Variants in HLA-DRB1 observed in about 807,000 individuals in gnomAD.
HLA-DRB1 encodes major histocompatibility complex, class II, DR beta 1.
Under a neutral mutation model 27.9 loss-of-function variants are expected in HLA-DRB1, and 10 were observed. That is an observed-to-expected ratio of 0.36 (90% CI 0.22 to 0.61). The LOEUF is 0.61. Ranked by LOEUF, HLA-DRB1 falls within the 20% of genes least tolerant of loss-of-function variation. HLA-DRB1 has a pLI of 0.73. For synonymous variants in HLA-DRB1, 57 were observed against 126.7 expected (o/e 0.45, Z 3.69); for missense variants, 118 against 306.3 (o/e 0.39, Z 4.59).
intron 2 of HLA-DRB1, 56 bp from the exon 3 acceptor site, chr6:32,581,894 G>GT: frequency 1.1e-6 from 1 of 876,300 alleles, no homozygotes; most frequent in Non-Finnish European, 1.8e-6. Context: ...AAGTCTCCTG[G>GT]TTTGGCTGTG....
intron 1 of HLA-DRB1, among the ~76,000 whole-genome samples, 193 bp from the exon 2 acceptor site, chr6:32,584,571 TGCGGGAA>T (rs1776107037): frequency 7.8e-6 from 1 of 127,536 alleles, no homozygotes; most frequent in Admixed American, 8.1e-5. Context: ...TGGGGGACCA[TGCGGGAA>T]AACCCCTTCT....
At chr6:32,579,528 G>T (rs1392173264) in intron 5 of HLA-DRB1, among the ~76,000 whole-genome samples, 1 of 63,630 alleles carries the variant, frequency 1.6e-5, no homozygotes, top group Admixed American at 1.9e-4. Context: ...CCACAGCAGG[G>T]AAGAGGACCT....
At chr6:32,584,684 G>T (rs36177427) in intron 1 of HLA-DRB1, among the ~76,000 whole-genome samples, 1,451 of 120,902 alleles carry the variant, frequency 0.012, 59 homozygotes, top group South Asian at 0.039. Flanking sequence ...ACCGCAGCCC[G>T]CGCCGCCTCC....
chr6:32,581,735 G>A (rs745655219), exon 3 of HLA-DRB1: 17 of 1,472,750 alleles, frequency 1.2e-5, no homozygotes, highest in Non-Finnish European at 1.6e-5. Context: ...GGAACCACCT[G>A]ACTTCAATGC....
At chr6:32,586,825 AC>A in intron 1 of HLA-DRB1, among the ~76,000 whole-genome samples, 1 of 92,068 alleles carries the variant, frequency 1.1e-5, no homozygotes, top group Non-Finnish European at 2.3e-5. Context: ...CAACACTACC[AC>A]CCATTTATTT....
At position 32,582,363 on chromosome 6, in the gene HLA-DRB1, C is replaced by T. The variant is rs201754731; in HGVS notation, c.371-525G>A. Reference sequence around the variant, plus strand: ...TCAGAAAGCTTCTCACTCCATTCCACTGTGAGGGCACTCATCACACTTGAG... The same window carrying T: ...TCAGAAAGCTTCTCACTCCATTCCATTGTGAGGGCACTCATCACACTTGAG... On this transcript the variant is annotated intron_variant, in intron 2 of 5. Coordinates refer to ENST00000360004, the Ensembl canonical transcript of HLA-DRB1. 2.6e-4 allele frequency among the ~76,000 whole-genome samples: 32 copies of T among 122,846 alleles called. 1 individual carries two copies. The highest frequency in any genetic ancestry group is 7.2e-4 in the East Asian group (3 of 4,174). 80.6% of individuals were successfully genotyped at this position (122,846 alleles called of 152,430 possible). A position where few individuals can be genotyped will look rare whatever the true frequency, so the allele number is the denominator to read the frequency against.
chr6:32,580,437 GAA>G (rs1775261484), intron 4 of HLA-DRB1, among the ~76,000 whole-genome samples, 167 bp from the exon 5 acceptor site: 1 of 126,026 alleles, frequency 7.9e-6, no homozygotes, highest in African/African-American at 2.8e-5. Flanking sequence ...CATGAAGCCT[GAA>G]GTGTCTGTCA....
chr6:32,581,807 C>G (rs200078051), exon 3 of HLA-DRB1: 1 of 1,165,118 alleles, frequency 8.6e-7, no homozygotes, highest in African/African-American at 1.7e-5. Context: ...GGGGCTGGGT[C>G]TTTGAAGGAT....
Position 32,579,375 on chromosome 6 carries a change from T to A in HLA-DRB1, c.788-271A>T, listed in dbSNP as rs9269703. ...CCTCTACCATCATTCTGGTGTGTCC[T>A]GAGTTTGTTCCTTCCGGTGGGTTTG... is the stretch of plus-strand genomic sequence containing the variant. On this transcript the variant is annotated intron_variant, in intron 5 of 5. Coordinates refer to ENST00000360004, the Ensembl canonical transcript of HLA-DRB1. Among the ~76,000 whole-genome samples the A allele has an allele frequency of 6.6e-3, 432 of 65,418 alleles. 14 individuals carry two copies. Among genetic ancestry groups the A allele is most frequent in the Non-Finnish European group, 7.4e-3 (233 of 31,484 alleles). The allele number at this position is 65,418 out of a possible 152,430, so 42.9% of individuals were successfully genotyped here.
At chr6:32,582,851 T>A (rs1775759540) in intron 2 of HLA-DRB1, among the ~76,000 whole-genome samples, 1 of 55,722 alleles carries the variant, frequency 1.8e-5, no homozygotes, top group Non-Finnish European at 3.6e-5. Flanking sequence ...ACTAGCATAC[T>A]CTCAATAAAT....
chr6:32,585,093 CAGA>C (rs144153626), intron 1 of HLA-DRB1, among the ~76,000 whole-genome samples: 3 of 107,620 alleles, frequency 2.8e-5, no homozygotes, highest in Admixed American at 1.0e-4. Context: ...AGTCAAACCT[CAGA>C]AGAAGGAGTG....
exon 2 of HLA-DRB1, chr6:32,584,265 C>G: frequency 6.6e-7 from 1 of 1,505,918 alleles, no homozygotes. Context: ...TCCCCCACGT[C>G]GCTGTCGAAG....
At chr6:32,584,573 C>T (rs28724124) in intron 1 of HLA-DRB1, among the ~76,000 whole-genome samples, 195 bp from the exon 2 acceptor site, 96 of 92,554 alleles carry the variant, frequency 1.0e-3, no homozygotes, top group Middle Eastern at 5.6e-3. Context: ...GGGGACCATG[C>T]GGGAAAACCC....
exon 6 of HLA-DRB1, chr6:32,578,838 G>T: frequency 2.8e-6 from 1 of 361,460 alleles, no homozygotes; most frequent in Non-Finnish European, 5.1e-6. Context: ...ACAGATGCAC[G>T]GGAGGCCATA....
intron 1 of HLA-DRB1, among the ~76,000 whole-genome samples, chr6:32,586,204 G>GC (rs1491096660): frequency 0.052 from 4,774 of 92,332 alleles, 121 homozygotes; most frequent in Admixed American, 0.083. Flanking sequence ...AGCTTCTTTA[G>GC]CCTTTTCCTT....
At chr6:32,586,248 A>G (rs9270066) in intron 1 of HLA-DRB1, among the ~76,000 whole-genome samples, 25,281 of 58,500 alleles carry the variant, frequency 0.43, 7,905 homozygotes, top group Middle Eastern at 0.57. Flanking sequence ...CCAGAGAACA[A>G]TCCTTCCCTG....
intron 4 of HLA-DRB1, among the ~76,000 whole-genome samples, chr6:32,580,536 C>T (rs539194283): frequency 1.9e-4 from 23 of 119,290 alleles, no homozygotes; most frequent in African/African-American, 6.5e-4. Context: ...ACTTGTTAAC[C>T]TTCCTCTCGT....
chr6:32,582,252 A>G (rs1775649144), intron 2 of HLA-DRB1, among the ~76,000 whole-genome samples: 1 of 145,642 alleles, frequency 6.9e-6, no homozygotes, highest in Non-Finnish European at 1.5e-5. Flanking sequence ...GGATAATTAT[A>G]CTAATTTACC....
chr6:32,584,603 T>TG (rs376098112), intron 1 of HLA-DRB1, among the ~76,000 whole-genome samples: 29,263 of 117,036 alleles, frequency 0.25, 2,456 homozygotes, highest in East Asian at 0.33. Context: ...CCCAGGCTTT[T>TG]GGGACCCCCT....
Sources: gnomAD v4.1 joint callset for allele counts (sites outside exome capture counted in the v4.1 genomes callset) on GRCh38, gnomAD v4.1.1 for gene constraint, MANE v1.5 for transcripts, NCBI Gene and HGNC (gene_info 2026-07-23, HGNC 2026-07-21) for gene names.